Variants in UBE2F observed in about 807,000 individuals in gnomAD.
UBE2F encodes NEDD8-conjugating enzyme UBE2F.
In UBE2F, 5 loss-of-function variants were observed where a neutral mutation model predicts 29.6. The ratio of observed to expected loss-of-function variants is 0.17; its 90% confidence interval spans 0.09 to 0.36. The LOEUF (loss-of-function observed/expected upper bound fraction) is 0.36. Among genes scored for constraint, UBE2F ranks in the 10% least tolerant of loss-of-function variants. UBE2F has a pLI of 1.00. For missense variants in UBE2F, 141 were observed against 228.5 expected (o/e 0.62, Z 2.47); for synonymous variants, 66 against 81.8 (o/e 0.81, Z 1.04).
intron 5 of UBE2F, among the ~76,000 whole-genome samples, chr2:238,017,721 TCTAA>T (rs986900460): frequency 6.6e-6 from 1 of 152,170 alleles, no homozygotes; most frequent in African/African-American, 2.4e-5. Context: ...ACTCACGTGT[TCTAA>T]CTAACCCTCT....
chr2:237,998,905 G>A (rs145549415), intron 4 of UBE2F, among the ~76,000 whole-genome samples: 343 of 152,016 alleles, frequency 2.3e-3, no homozygotes, highest in Non-Finnish European at 3.7e-3. Flanking sequence ...TTTATACATC[G>A]TCCTTTCTGA....
intron 2 of UBE2F, among the ~76,000 whole-genome samples, chr2:237,984,792 T>G (rs2063445565): frequency 6.6e-6 from 1 of 152,142 alleles, no homozygotes; most frequent in Admixed American, 6.5e-5. Context: ...TTTGTTTTGT[T>G]TTTTTGAGAC....
intron 5 of UBE2F, among the ~76,000 whole-genome samples, chr2:238,020,060 C>T (rs2064257190): frequency 6.6e-6 from 1 of 152,148 alleles, no homozygotes; most frequent in Non-Finnish European, 1.5e-5. Context: ...CCCAGCAGGG[C>T]GTCTCCAGGG....
At chr2:237,968,119 A>G (rs567826767) in intron 1 of UBE2F, among the ~76,000 whole-genome samples, 1 of 152,156 alleles carries the variant, frequency 6.6e-6, no homozygotes, top group African/African-American at 2.4e-5. Context: ...TTGTGAAGGA[A>G]CAAAGAGGAA....
At chr2:237,989,922 C>T (rs2106345360) in intron 3 of UBE2F, among the ~76,000 whole-genome samples, 1 of 151,692 alleles carries the variant, frequency 6.6e-6, no homozygotes, top group Admixed American at 6.6e-5. Flanking sequence ...AGTTCGAGAC[C>T]AGCTTGGTCA....
chr2:238,036,479 C>T (rs1170211023), intron 9 of UBE2F, among the ~76,000 whole-genome samples: 1 of 152,142 alleles, frequency 6.6e-6, no homozygotes, highest in Admixed American at 6.6e-5. Context: ...GGCGCCCAGC[C>T]GAGAAGTGAT....
chr2:238,039,181 A>T (rs1344718001), intron 9 of UBE2F, among the ~76,000 whole-genome samples: 1 of 152,196 alleles, frequency 6.6e-6, no homozygotes, highest in East Asian at 1.9e-4. Flanking sequence ...GTTGCAGTGA[A>T]CTGAGATCAC....
intron 3 of UBE2F, among the ~76,000 whole-genome samples, chr2:237,993,916 T>G (rs2063638454): frequency 6.6e-6 from 1 of 152,164 alleles, no homozygotes; most frequent in Admixed American, 6.6e-5. Flanking sequence ...TTGTCCTGAT[T>G]CAGGCCTCTT....
chr2:237,994,750 G>T lies in UBE2F; in HGVS notation c.155G>T (p.Cys52Phe). ...TGTGCTGTTTCTTTTGCAGGTACAT[G>T]TAAAGTGCATTTTCCTGATCCAAAC... Reference protein sequence around the residue: ...AELEANLPCTCKVHFPDPNKL... With the variant: ...AELEANLPCTFKVHFPDPNKL... The change falls in exon 4 of 10, where the codon TGT (cysteine) becomes TTT (phenylalanine). Residue 52 changes from cysteine (C) to phenylalanine (F), a missense_variant. Physicochemically the swap from Cys to Phe is radical, Grantham distance 205. Coordinates refer to ENST00000272930, the MANE Select transcript of UBE2F (RefSeq NM_080678.3). 6.2e-7 allele frequency: 1 copy of T among 1,614,054 alleles called. No individual in the cohort carries two copies. Among genetic ancestry groups the T allele is most frequent in the Non-Finnish European group, 8.5e-7 (1 of 1,179,952 alleles).
chr2:238,013,450 C>T (rs543560400), intron 4 of UBE2F, among the ~76,000 whole-genome samples: 8 of 152,164 alleles, frequency 5.3e-5, no homozygotes, highest in South Asian at 2.1e-4. Flanking sequence ...ATGTCCACTC[C>T]TTGAGACAGT....
chr2:238,035,869 C>G lies in UBE2F; in HGVS notation c.445-9C>G, dbSNP rs776809820. 3 of 1,609,718 alleles carry G rather than the reference C, an allele frequency of 1.9e-6. No homozygotes were observed. Among genetic ancestry groups the G allele is most frequent in the Middle Eastern group, 2.1e-4 (1 of 4,658 alleles). On this transcript the variant is annotated splice_polypyrimidine_tract_variant and intron_variant, in intron 8 of 9. Transcript: ENST00000272930. ...CCCAATGTTTACTTTAAGTTTCTCT[C>G]TTTTTAAGGATCTTTTGAATTTTGA...
At chr2:237,995,213 A>G (rs1178361089) in intron 4 of UBE2F, among the ~76,000 whole-genome samples, 1 of 152,118 alleles carries the variant, frequency 6.6e-6, no homozygotes, top group African/African-American at 2.4e-5. Flanking sequence ...GACCTATCTC[A>G]TAGGACAGTT....
chr2:238,023,077 C>T (rs988636125), intron 5 of UBE2F, among the ~76,000 whole-genome samples: 5 of 152,164 alleles, frequency 3.3e-5, no homozygotes, highest in Admixed American at 6.5e-5. Context: ...TGAGGGCCTC[C>T]GCAGAAGGGG....
At chr2:237,981,241 A>G (rs2063370427) in intron 2 of UBE2F, among the ~76,000 whole-genome samples, 1 of 152,178 alleles carries the variant, frequency 6.6e-6, no homozygotes, top group Non-Finnish European at 1.5e-5. Flanking sequence ...AGCTTTGCTA[A>G]TAGTCTTACT....
chr2:238,034,841 G>T (rs548959704), intron 8 of UBE2F, among the ~76,000 whole-genome samples: 3 of 151,886 alleles, frequency 2.0e-5, no homozygotes, highest in Non-Finnish European at 2.9e-5. Flanking sequence ...TACAGCCTGC[G>T]TTGGAAAGCC....
chr2:238,011,642 T>C (rs1210699568), intron 4 of UBE2F, among the ~76,000 whole-genome samples: 3 of 152,242 alleles, frequency 2.0e-5, no homozygotes, highest in Non-Finnish European at 4.4e-5. Flanking sequence ...CTGAAAATGA[T>C]GGGGTTACTA....
chr2:237,995,494 G>A (rs144065782), intron 4 of UBE2F, among the ~76,000 whole-genome samples: 1 of 152,294 alleles, frequency 6.6e-6, no homozygotes, highest in East Asian at 1.9e-4. Context: ...GCAACCGGTC[G>A]ATGCTGTTGT....
At chr2:238,020,921 G>A (rs879412432) in intron 5 of UBE2F, among the ~76,000 whole-genome samples, 14 of 152,202 alleles carry the variant, frequency 9.2e-5, no homozygotes, top group African/African-American at 2.9e-4. Flanking sequence ...TGAGGAGCCC[G>A]GGTGGTGATG....
At chr2:237,968,939 GACTT>G (rs2106316836) in intron 1 of UBE2F, 1 of 676,144 alleles carries the variant, frequency 1.5e-6, no homozygotes, top group South Asian at 6.7e-5. Context: ...ACAGTTTGAA[GACTT>G]ACTTTTTGAT....
Sources: allele counts gnomAD v4.1 joint callset (sites outside exome capture counted in the v4.1 genomes callset), GRCh38; gene constraint gnomAD v4.1.1; transcripts MANE v1.5; gene names NCBI Gene and HGNC (gene_info 2026-07-23, HGNC 2026-07-21).